Variants in ZFYVE9 observed in about 807,000 individuals in gnomAD.
ZFYVE9 encodes zinc finger FYVE-type containing 9.
ZFYVE9 carries 43 observed loss-of-function variants against 126.7 expected under a neutral mutation model. That is an observed-to-expected ratio of 0.34 (90% CI 0.27 to 0.44). ZFYVE9 has a LOEUF of 0.44. ZFYVE9 is among the 20% of genes least tolerant of loss of function. The probability of loss-of-function intolerance (pLI) is 1.00; values close to 1 mark genes in which losing one functional copy is unlikely to be tolerated. For synonymous variants in ZFYVE9, 521 were observed against 597.4 expected (o/e 0.87, Z 1.87); for missense variants, 1,476 against 1,697.0 (o/e 0.87, Z 2.29).
At chr1:52,255,963 CT>C (rs370784228) in intron 4 of ZFYVE9, among the ~76,000 whole-genome samples, 2,720 of 52,314 alleles carry the variant, frequency 0.052, 67 homozygotes, top group African/African-American at 0.13. Context: ...CTTTTCTTTT[CT>C]TTTCTTTCTT....
At chr1:52,156,349 G>T (rs1004370224) in intron 1 of ZFYVE9, among the ~76,000 whole-genome samples, 4 of 152,234 alleles carry the variant, frequency 2.6e-5, no homozygotes, top group Non-Finnish European at 4.4e-5. Flanking sequence ...TCCTGCAGGG[G>T]CTAGACTTTT....
At chr1:52,193,656 G>A (rs1043072358) in intron 1 of ZFYVE9, among the ~76,000 whole-genome samples, 3 of 132,620 alleles carry the variant, frequency 2.3e-5, no homozygotes, top group Non-Finnish European at 4.6e-5. Context: ...GCAGTGAGCC[G>A]AGATCGTGCC....
intron 2 of ZFYVE9, among the ~76,000 whole-genome samples, chr1:52,229,248 A>C (rs914240220): frequency 1.3e-5 from 2 of 152,200 alleles, no homozygotes. Flanking sequence ...CTCATGATTA[A>C]ATCGGCTAAA....
intron 7 of ZFYVE9, among the ~76,000 whole-genome samples, chr1:52,273,553 G>A (rs956475214): frequency 4.0e-5 from 6 of 151,888 alleles, no homozygotes; most frequent in East Asian, 1.9e-4. Context: ...ACTTCAGGCC[G>A]GGTGCAGTGG....
Position 52,295,968 on chromosome 1 carries a change from T to C in ZFYVE9, c.3324T>C (p.Asn1108=). ...LFGETGHTIM[N]LLADFRNYQY... is the part of the protein sequence containing the mutation. ...GAGAGACGGGGCATACCATCATGAA[T>C]CTTCTTGCAGTAAGTTGGGAATTTT... Residue 1108 remains asparagine, a synonymous_variant, in exon 12 of 19, where the codon AAT becomes AAC. Coordinates refer to ENST00000287727, the MANE Select transcript of ZFYVE9 (RefSeq NM_004799.4). 1.9e-6 allele frequency: 3 copies of C among 1,613,616 alleles called. No individual in the cohort carries two copies. The highest frequency in any genetic ancestry group is 2.5e-6 in the Non-Finnish European group (3 of 1,179,748).
At chr1:52,253,810 G>A in intron 4 of ZFYVE9, 6 of 1,583,280 alleles carry the variant, frequency 3.8e-6, no homozygotes, top group Non-Finnish European at 2.6e-6. Flanking sequence ...GCCTCATTTA[G>A]TGAACATCCA....
intron 1 of ZFYVE9, among the ~76,000 whole-genome samples, chr1:52,173,462 T>A (rs1451275322): frequency 1.3e-5 from 2 of 152,232 alleles, no homozygotes; most frequent in African/African-American, 4.8e-5. Context: ...TCTCTAATTC[T>A]CTTTTTTGGT....
chr1:52,146,964 A>G (rs1471834770), intron 1 of ZFYVE9, among the ~76,000 whole-genome samples: 1 of 152,212 alleles, frequency 6.6e-6, no homozygotes, highest in Non-Finnish European at 1.5e-5. Context: ...TTGAGCACTG[A>G]CATGATCTCA....
At chr1:52,279,643 T>G (rs1444046702) in intron 9 of ZFYVE9, among the ~76,000 whole-genome samples, 1 of 152,104 alleles carries the variant, frequency 6.6e-6, no homozygotes, top group Non-Finnish European at 1.5e-5. Flanking sequence ...TTTTTTGTAT[T>G]TTTTTGTAGA....
intron 2 of ZFYVE9, among the ~76,000 whole-genome samples, chr1:52,227,248 C>T (rs1458574873): frequency 6.6e-6 from 1 of 152,392 alleles, no homozygotes; most frequent in East Asian, 1.9e-4. Flanking sequence ...TTCACCAAAA[C>T]TCTGAGTCTG....
rs1296731404 is a variant in ZFYVE9, at chr1:52,203,807, A to G, written c.-142-12562A>G. On this transcript the variant is annotated intron_variant, in intron 1 of 18. Transcript: ENST00000287727. ...GGAGGTTTCTGTTGAGATATCCTCA[A>G]ACTAGAGATTCTTTCCTCAGTCATG... 8.6e-5 allele frequency among the ~76,000 whole-genome samples: 13 copies of G among 152,008 alleles called. No individual in the cohort carries two copies. In the South Asian group the frequency reaches 1.9e-3, roughly 22 times the overall value.
chr1:52,152,472 C>T (rs1644366454), intron 1 of ZFYVE9, among the ~76,000 whole-genome samples: 1 of 152,098 alleles, frequency 6.6e-6, no homozygotes, highest in Non-Finnish European at 1.5e-5. Flanking sequence ...TCATTCTGCA[C>T]GTTATTAGAA....
chr1:52,327,625 T>G (rs1160835025), intron 13 of ZFYVE9, among the ~76,000 whole-genome samples: 1 of 150,714 alleles, frequency 6.6e-6, no homozygotes, highest in Non-Finnish European at 1.5e-5. Context: ...GTCTTCATGC[T>G]GAAATTGGCA....
At chr1:52,320,432 A>T (rs1043762317) in intron 13 of ZFYVE9, among the ~76,000 whole-genome samples, 9 of 152,242 alleles carry the variant, frequency 5.9e-5, no homozygotes, top group African/African-American at 2.2e-4. Flanking sequence ...AATATATATG[A>T]ATAGACCAAT....
intron 4 of ZFYVE9, chr1:52,253,830 A>C: frequency 6.7e-7 from 1 of 1,490,926 alleles, no homozygotes; most frequent in Non-Finnish European, 9.4e-7. Context: ...AATTCAGAAG[A>C]AAAACAACAG....
chr1:52,220,024 C>T (rs568717716), intron 2 of ZFYVE9, among the ~76,000 whole-genome samples: 1 of 152,186 alleles, frequency 6.6e-6, no homozygotes, highest in Admixed American at 6.5e-5. Context: ...GATCCACCCT[C>T]CTTGGCCTCC....
chr1:52,308,695 AT>A (rs1646109253), intron 13 of ZFYVE9, among the ~76,000 whole-genome samples: 1 of 152,060 alleles, frequency 6.6e-6, no homozygotes, highest in African/African-American at 2.4e-5. Flanking sequence ...TGTAAATGAC[AT>A]TTTTTTCACA....
intron 1 of ZFYVE9, among the ~76,000 whole-genome samples, chr1:52,159,309 T>G (rs1048785012): frequency 1.3e-5 from 2 of 152,174 alleles, no homozygotes; most frequent in South Asian, 2.1e-4. Flanking sequence ...CCATCTTAGC[T>G]CCTGCTTTCT....
Position 52,266,405 on chromosome 1 carries a change from T to TAAAAAAAAAA in ZFYVE9, c.2279-230_2279-221dup, listed in dbSNP as rs33996604. Among the ~76,000 whole-genome samples the TAAAAAAAAAA allele has an allele frequency of 1.7e-3, 146 of 85,630 alleles. 2 individuals are homozygous for TAAAAAAAAAA. Among genetic ancestry groups the TAAAAAAAAAA allele is most frequent in the African/African-American group, 6.0e-3 (126 of 20,864 alleles). The allele number at this position is 85,630 out of a possible 152,430, so 56.2% of individuals were successfully genotyped here. A position where few individuals can be genotyped will look rare whatever the true frequency, so the allele number is the denominator to read the frequency against. On this transcript the variant is annotated intron_variant, in intron 5 of 18. Transcript: ENST00000287727. Reference sequence around the variant, plus strand: ...AGCCACCACTCCCGGTCTAATTCTTTAAAAAAAAAAAAAAAAAAAAAAAAA... The same window carrying TAAAAAAAAAA: ...AGCCACCACTCCCGGTCTAATTCTTTAAAAAAAAAAAAAAAAAAAAAAAAAAAAAAAAAAA...
Sources: gnomAD v4.1 joint callset for allele counts (sites outside exome capture counted in the v4.1 genomes callset) on GRCh38, gnomAD v4.1.1 for gene constraint, MANE v1.5 for transcripts, NCBI Gene and HGNC (gene_info 2026-07-23, HGNC 2026-07-21) for gene names.